RBFOX1: variants seen among roughly 807,000 people sequenced by gnomAD.
RBFOX1 encodes RNA binding protein fox-1 homolog 1.
RBFOX1 carries 8 observed loss-of-function variants against 57.7 expected under a neutral mutation model. That is an observed-to-expected ratio of 0.14 (90% CI 0.08 to 0.25). The LOEUF (loss-of-function observed/expected upper bound fraction) is 0.25, where lower values mean the gene tolerates loss of function less well. RBFOX1 is among the 10% of genes least tolerant of loss of function. The pLI, the probability that RBFOX1 is intolerant of heterozygous loss-of-function variation, is 1.00. For synonymous variants in RBFOX1, 326 were observed against 222.4 expected, an observed-to-expected ratio of 1.47 and a Z score of -4.15; for missense variants, 611 against 548.5, an observed-to-expected ratio of 1.11 and a Z score of -1.14.
Position 6,800,312 on chromosome 16 carries a change from C to T in RBFOX1, c.-16+145662C>T, listed in dbSNP as rs936731549. On this transcript the variant is annotated intron_variant, in intron 3 of 15. Transcript: ENST00000550418. The stretch of plus-strand genomic sequence containing the variant: ...ACACCTTAGTCCTGGGCCAACCAGA[C>T]GGGCTGGTAGTACCAAAAGTCAGGG... Among the ~76,000 whole-genome samples the T allele has an allele frequency of 5.9e-5, 9 of 152,152 alleles. No homozygotes were observed. In the South Asian group the frequency reaches 6.2e-4, roughly 11 times the overall value.
chr16:5,348,568 C>A (rs1200872100), intron 1 of RBFOX1, among the ~76,000 whole-genome samples: 1 of 152,164 alleles, frequency 6.6e-6, no homozygotes, highest in African/African-American at 2.4e-5. Context: ...TTGGCTACCC[C>A]ATCATACTTG....
Position 7,193,887 on chromosome 16 carries a change from G to C in RBFOX1, c.27+141789G>C, listed in dbSNP as rs896339782. Among the ~76,000 whole-genome samples the C allele has an allele frequency of 3.9e-5, 6 of 151,972 alleles. No individual in the cohort carries two copies. In the South Asian group the frequency reaches 6.2e-4, roughly 16 times the overall value. On this transcript the variant is annotated intron_variant, in intron 4 of 15. Transcript: ENST00000550418. ...AATGACAGACTAAAATCTTCTTGGA[G>C]AGTTGACTGGAAGGATAAGATATTC...
chr16:6,176,371 C>G (rs2097009283), intron 1 of RBFOX1, among the ~76,000 whole-genome samples: 2 of 138,990 alleles, frequency 1.4e-5, no homozygotes, highest in Admixed American at 1.6e-4. Context: ...GTTGGCCAGG[C>G]TGGTCTCAAA....
At chr16:7,334,587 C>A (rs920752831) in intron 4 of RBFOX1, among the ~76,000 whole-genome samples, 1 of 151,992 alleles carries the variant, frequency 6.6e-6, no homozygotes, top group African/African-American at 2.4e-5. Context: ...GATTAAGTGC[C>A]GGTGTAGGAA....
intron 3 of RBFOX1, among the ~76,000 whole-genome samples, chr16:5,797,548 C>T (rs1409504231): frequency 1.3e-5 from 2 of 152,160 alleles, no homozygotes; most frequent in Non-Finnish European, 2.9e-5. Context: ...ATGAAGTTGA[C>T]CCTTATTTTA....
intron 2 of RBFOX1, among the ~76,000 whole-genome samples, chr16:6,329,243 T>G (rs1261567341): frequency 6.6e-6 from 1 of 152,226 alleles, no homozygotes; most frequent in Non-Finnish European, 1.5e-5. Flanking sequence ...GTTTTGCTTA[T>G]GGGCCAGGCT....
At chr16:7,043,014 C>A (rs185602222) in intron 3 of RBFOX1, among the ~76,000 whole-genome samples, 1 of 152,170 alleles carries the variant, frequency 6.6e-6, no homozygotes, top group East Asian at 1.9e-4. Flanking sequence ...TTTTGCAATC[C>A]CAAAGTTCCT....
chr16:6,797,688 G>T (rs2154253941), intron 3 of RBFOX1, among the ~76,000 whole-genome samples: 1 of 152,218 alleles, frequency 6.6e-6, no homozygotes, highest in Admixed American at 6.5e-5. Context: ...GAGTAAATTG[G>T]ACCATTCCAA....
intron 3 of RBFOX1, among the ~76,000 whole-genome samples, chr16:6,906,550 T>C (rs1330738297): frequency 6.6e-6 from 1 of 152,166 alleles, no homozygotes; most frequent in Non-Finnish European, 1.5e-5. Context: ...CTTTATGGTT[T>C]TGTTCTTTGT....
intron 4 of RBFOX1, among the ~76,000 whole-genome samples, chr16:7,250,870 A>G (rs532867347): frequency 1.3e-5 from 2 of 152,352 alleles, no homozygotes; most frequent in South Asian, 2.1e-4. Context: ...CTTTAAAAAA[A>G]TAATAACGAA....
intron 3 of RBFOX1, among the ~76,000 whole-genome samples, chr16:5,656,550 C>T (rs2049437117): frequency 6.6e-6 from 1 of 152,114 alleles, no homozygotes; most frequent in African/African-American, 2.4e-5. Flanking sequence ...CATCTTACAC[C>T]ATAAACCTGT....
intron 2 of RBFOX1, among the ~76,000 whole-genome samples, chr16:5,548,147 C>G (rs1192640702): frequency 8.4e-5 from 8 of 94,696 alleles, no homozygotes; most frequent in African/African-American, 3.1e-4. Flanking sequence ...GGTGACAGAG[C>G]AAGACTCTGT....
chr16:6,013,266 C>T (rs1427674599), intron 4 of RBFOX1, among the ~76,000 whole-genome samples: 1 of 152,126 alleles, frequency 6.6e-6, no homozygotes, highest in African/African-American at 2.4e-5. Flanking sequence ...TATAAACAAG[C>T]CTGCCCTAAA....
chr16:6,767,944 TAATAAGAAGAAGAAGAAGAAG>T (rs1489380248), intron 3 of RBFOX1, among the ~76,000 whole-genome samples: 1 of 86,668 alleles, frequency 1.2e-5, no homozygotes, highest in African/African-American at 5.6e-5. Flanking sequence ...ATAATAATAA[TAATAAGAAGAAGAAGAAGAAG>T]AAGAAGAAGA....
At chr16:5,479,347 T>G (rs2069441020) in intron 2 of RBFOX1, among the ~76,000 whole-genome samples, 1 of 152,222 alleles carries the variant, frequency 6.6e-6, no homozygotes, top group South Asian at 2.1e-4. Flanking sequence ...GTGATTTGCC[T>G]GAGGCCACAC....
chr16:7,253,775 G>C (rs1017361074), intron 4 of RBFOX1, among the ~76,000 whole-genome samples: 2 of 152,138 alleles, frequency 1.3e-5, no homozygotes, highest in African/African-American at 4.8e-5. Context: ...GCCTCCTTGT[G>C]ACTGGGAGTT....
At chr16:6,824,982 G>A (rs1184383872) in intron 3 of RBFOX1, among the ~76,000 whole-genome samples, 2 of 38,384 alleles carry the variant, frequency 5.2e-5, no homozygotes, top group Non-Finnish European at 1.3e-4. Flanking sequence ...TTTCTTTCTT[G>A]GTTTTTTTTT....
At chr16:6,302,800 C>A (rs1462340736) in intron 1 of RBFOX1, among the ~76,000 whole-genome samples, 1 of 152,154 alleles carries the variant, frequency 6.6e-6, no homozygotes, top group Non-Finnish European at 1.5e-5. Context: ...AGACATGAGA[C>A]TAAACTTATG....
At chr16:6,177,944 T>C (rs1482465137) in intron 1 of RBFOX1, among the ~76,000 whole-genome samples, 1 of 146,884 alleles carries the variant, frequency 6.8e-6, no homozygotes, top group Non-Finnish European at 1.5e-5. Flanking sequence ...AAAAGAGCCT[T>C]TTCACATTTA....
Sources: gnomAD v4.1 joint callset for allele counts (sites outside exome capture counted in the v4.1 genomes callset) on GRCh38, gnomAD v4.1.1 for gene constraint, MANE v1.5 for transcripts, NCBI Gene and HGNC (gene_info 2026-07-23, HGNC 2026-07-21) for gene names.